KIAA0319L: variants seen among roughly 807,000 people sequenced by gnomAD.
KIAA0319L encodes the protein dyslexia-associated protein KIAA0319-like protein.
Under a neutral mutation model 120.1 loss-of-function variants are expected in KIAA0319L, and 55 were observed. The observed-to-expected ratio is 0.46, with a 90% CI of 0.37 to 0.57. The LOEUF (loss-of-function observed/expected upper bound fraction) is 0.57. Among genes scored for constraint, KIAA0319L ranks in the 20% least tolerant of loss-of-function variants. KIAA0319L has a pLI of 0.00. For missense variants in KIAA0319L, 1,049 were observed against 1,255.3 expected (o/e 0.84, Z 2.48); for synonymous variants, 398 against 471.9 (o/e 0.84, Z 2.03).
At chr1:35,545,886 C>T (rs1340997373) in intron 2 of KIAA0319L, among the ~76,000 whole-genome samples, 1 of 152,062 alleles carries the variant, frequency 6.6e-6, no homozygotes, top group Non-Finnish European at 1.5e-5. Context: ...CAGAGCAAGA[C>T]TGTGCCTTGA....
At chr1:35,515,105 G>T (rs1410633659) in intron 2 of KIAA0319L, among the ~76,000 whole-genome samples, 2 of 152,092 alleles carry the variant, frequency 1.3e-5, no homozygotes, top group Non-Finnish European at 2.9e-5. Flanking sequence ...TTGAGGTCAG[G>T]AGTTTGAGGC....
rs1270383276 is a variant in KIAA0319L at position 35,479,046 on chromosome 1, G to A, written c.833C>T (p.Pro278Leu). Residue 278 changes from proline to leucine, a missense_variant, in exon 4 of 21, where the codon CCC (proline) becomes CTC (leucine). By Grantham distance (98) the Pro-to-Leu change is moderately conservative. Transcript: ENST00000325722. ...KSSEKTQIAV[P>L]QPVAPSYSYA... Reference sequence around the variant, plus strand: ...ACTGTAGGAGGGAGCCACTGGCTGGGGGACAGCAATCTGGGTTTTCTCAGA... The same window carrying A: ...ACTGTAGGAGGGAGCCACTGGCTGGAGGACAGCAATCTGGGTTTTCTCAGA... 1 of 1,614,122 alleles carries A rather than the reference G, an allele frequency of 6.2e-7. No individual in the cohort carries two copies. The highest frequency in any genetic ancestry group is 1.7e-5 in the Admixed American group (1 of 60,022).
intron 2 of KIAA0319L, among the ~76,000 whole-genome samples, chr1:35,511,938 G>T (rs1051167412): frequency 6.6e-6 from 1 of 152,048 alleles, no homozygotes; most frequent in African/African-American, 2.4e-5. Flanking sequence ...TTTTAACAAT[G>T]AAGCTATTTT....
rs962861379 is a variant in KIAA0319L at position 35,473,080 on chromosome 1, C to CTTTTTTTTT, written c.1015+1716_1015+1724dup. 4.8e-3 allele frequency among the ~76,000 whole-genome samples: 434 copies of CTTTTTTTTT among 90,482 alleles called. 22 individuals carry two copies. The highest frequency in any genetic ancestry group is 0.021 in the African/African-American group (409 of 19,320). The allele number at this position is 90,482 out of a possible 152,430, so 59.4% of individuals were successfully genotyped here. Reference sequence around the variant, plus strand: ...ACAGGCATGAGCCACTGCGCCCAGCCTTTTTTTTTTTTTTTTTTTTTTTCT... The same window carrying CTTTTTTTTT: ...ACAGGCATGAGCCACTGCGCCCAGCCTTTTTTTTTTTTTTTTTTTTTTTTTTTTTTTTCT... On this transcript the variant is annotated intron_variant, in intron 5 of 20. Transcript: ENST00000325722.
chr1:35,492,472 C>A (rs539607458), intron 3 of KIAA0319L, among the ~76,000 whole-genome samples: 1 of 151,978 alleles, frequency 6.6e-6, no homozygotes, highest in South Asian at 2.1e-4. Flanking sequence ...CAAGATCAAG[C>A]CACTGCATTC....
At chr1:35,458,569 T>C (rs1307340539) in intron 9 of KIAA0319L, among the ~76,000 whole-genome samples, 2 of 152,208 alleles carry the variant, frequency 1.3e-5, no homozygotes, top group African/African-American at 2.4e-5. Context: ...GTTAACCTTG[T>C]GGTTAAAAGC....
chr1:35,489,278 G>T (rs1342496099), intron 3 of KIAA0319L, among the ~76,000 whole-genome samples: 1 of 152,006 alleles, frequency 6.6e-6, no homozygotes, highest in Non-Finnish European at 1.5e-5. Context: ...ACAGCAAGAA[G>T]ATTTATCCTT....
At chr1:35,553,888 T>A (rs888474515) in intron 2 of KIAA0319L, among the ~76,000 whole-genome samples, 1 of 152,182 alleles carries the variant, frequency 6.6e-6, no homozygotes, top group African/African-American at 2.4e-5. Context: ...GGAACGCATT[T>A]TTCCCATAAG....
At chr1:35,449,720 G>C (rs912802794) in intron 15 of KIAA0319L, 147 bp downstream of exon 15, 7 of 805,324 alleles carry the variant, frequency 8.7e-6, no homozygotes, top group African/African-American at 8.6e-5. Flanking sequence ...GGTCTCTATG[G>C]ATTTTTCAGC....
At chr1:35,552,279 T>C (rs1027959299) in intron 2 of KIAA0319L, among the ~76,000 whole-genome samples, 1 of 152,036 alleles carries the variant, frequency 6.6e-6, no homozygotes, top group Non-Finnish European at 1.5e-5. Flanking sequence ...GAGACGGAGG[T>C]TGCAGTGAGC....
intron 15 of KIAA0319L, 37 bp from the exon 16 acceptor site, chr1:35,448,369 A>C (rs1267394531): frequency 1.3e-6 from 2 of 1,596,812 alleles, no homozygotes; most frequent in African/African-American, 1.3e-5. Context: ...CTTTAGAAGT[A>C]GGAGAGTAAA....
At position 35,478,884 on chromosome 1, in the gene KIAA0319L, C is replaced by T. The variant is rs141004828; in HGVS notation, c.913+82G>A. 2.4e-5 allele frequency: 36 copies of T among 1,486,780 alleles called. No individual in the cohort carries two copies. In the African/African-American group the frequency reaches 4.6e-4, roughly 19 times the overall value. 92.1% of individuals were successfully genotyped at this position (1,486,780 alleles called of 1,614,324 possible). ...ACACACAGTATTCAAGTTATGCCTC[C>T]CTTCCTTCTTTCCTCTAAAAGGGAA... is the stretch of plus-strand genomic sequence containing the variant. On this transcript the variant is annotated intron_variant, in intron 4 of 20. Coordinates refer to ENST00000325722, the MANE Select transcript of KIAA0319L (RefSeq NM_024874.5).
In KIAA0319L at chr1:35,523,014, TAAAAAAAAA is replaced by T. The variant is rs58518920; in HGVS notation, c.143-15888_143-15880del. On this transcript the variant is annotated intron_variant, in intron 2 of 20. Transcript: ENST00000325722. ...AGCCTGGCAAGAGTGAAACTCCACA[TAAAAAAAAA>T]AAAAAAAAAAAAAAATCTTGTATGG... Among the ~76,000 whole-genome samples, 213 of 62,516 alleles carry T rather than the reference TAAAAAAAAA, an allele frequency of 3.4e-3. 2 individuals are homozygous for T. The highest frequency in any genetic ancestry group is 0.011 in the African/African-American group (207 of 19,596). 41.0% of individuals were successfully genotyped at this position (62,516 alleles called of 152,430 possible). A position where few individuals can be genotyped will look rare whatever the true frequency, so the allele number is the denominator to read the frequency against.
chr1:35,527,936 G>A (rs955958102), intron 2 of KIAA0319L, among the ~76,000 whole-genome samples: 4 of 151,016 alleles, frequency 2.6e-5, no homozygotes, highest in African/African-American at 9.8e-5. Flanking sequence ...GTTTGTCCTT[G>A]CCTTTCTAGT....
At chr1:35,505,392 A>G (rs1322551651) in intron 3 of KIAA0319L, among the ~76,000 whole-genome samples, 2 of 152,194 alleles carry the variant, frequency 1.3e-5, no homozygotes, top group African/African-American at 4.8e-5. Context: ...TCCTTCAAGA[A>G]ATGTTAAACA....
rs1187718984 is a variant in KIAA0319L at position 35,442,937 on chromosome 1, C to T, written c.2748G>A (p.Lys916=). Residue 916 remains lysine (K), a synonymous_variant, in exon 18 of 21, where the codon AAG becomes AAA. Transcript: ENST00000325722. ...TGCTGTCTCCATCCCTCAGCTGCAC[C>T]TTGATGAAATTCTCCATCCAAAAAG... ...CDPFWMENFI[K]VQLRDGDSNC... 1.9e-6 allele frequency: 3 copies of T among 1,614,184 alleles called. No individual in the cohort carries two copies. Among genetic ancestry groups the T allele is most frequent in the Admixed American group, 1.7e-5 (1 of 60,036 alleles).
chr1:35,451,477 T>G (rs1642057850), intron 13 of KIAA0319L, 151 bp downstream of exon 13: 2 of 696,292 alleles, frequency 2.9e-6, no homozygotes, highest in Admixed American at 5.0e-5. Context: ...AAAGGCTGTT[T>G]TAGAAAAGAA....
intron 2 of KIAA0319L, among the ~76,000 whole-genome samples, chr1:35,533,945 G>A (rs929902335): frequency 6.6e-6 from 1 of 152,118 alleles, no homozygotes; most frequent in Non-Finnish European, 1.5e-5. Context: ...ACCCTGCAGG[G>A]GTTAGCACAT....
In KIAA0319L at chr1:35,462,603, A is replaced by G; in HGVS notation, c.1294+18T>C. The G allele has an allele frequency of 1.3e-6, 2 of 1,575,622 alleles. No individual in the cohort carries two copies. The highest frequency in any genetic ancestry group is 8.7e-7 in the Non-Finnish European group (1 of 1,144,932). On this transcript the variant is annotated intron_variant, in intron 8 of 20. Coordinates refer to ENST00000325722, the MANE Select transcript of KIAA0319L (RefSeq NM_024874.5). ...GGTGAATGTTCTTCTAAAACATCAT[A>G]CTTAGACAAGTACTCACGACTGCCA... is the stretch of plus-strand genomic sequence containing the variant.
Sources: allele counts gnomAD v4.1 joint callset (sites outside exome capture counted in the v4.1 genomes callset), GRCh38; gene constraint gnomAD v4.1.1; transcripts MANE v1.5; gene names NCBI Gene and HGNC (gene_info 2026-07-23, HGNC 2026-07-21).